Variants in MAP2 observed in about 807,000 individuals in gnomAD.
The protein encoded by MAP2 is microtubule-associated protein 2.
A neutral mutation model predicts 137.6 loss-of-function variants in MAP2; 14 were observed. The ratio of observed to expected loss-of-function variants is 0.10; its 90% CI spans 0.07 to 0.16. The LOEUF (loss-of-function observed/expected upper bound fraction) is 0.16. Ranked by LOEUF, MAP2 falls within the 10% of genes least tolerant of loss-of-function variation. The probability of loss-of-function intolerance (pLI) is 1.00; values close to 1 mark genes in which losing one functional copy is unlikely to be tolerated. For synonymous variants in MAP2, 786 were observed against 782.3 expected (o/e 1.00, Z -0.08); for missense variants, 2,088 against 2,191.5 (o/e 0.95, Z 0.94).
intron 3 of MAP2, among the ~76,000 whole-genome samples, chr2:209,592,403 T>C (rs990821760): frequency 6.6e-6 from 1 of 152,190 alleles, no homozygotes; most frequent in African/African-American, 2.4e-5. Context: ...CAGTGTCTTC[T>C]ATCTCATGTT....
At chr2:209,502,999 C>CTTTTTTTT (rs71043931) in intron 1 of MAP2, among the ~76,000 whole-genome samples, 2 of 131,334 alleles carry the variant, frequency 1.5e-5, no homozygotes, top group Non-Finnish European at 3.2e-5. Flanking sequence ...GATTTTTTTT[C>CTTTTTTTT]TTTTTTTTTT....
At chr2:209,530,240 TCTGA>T (rs2064901309) in intron 2 of MAP2, among the ~76,000 whole-genome samples, 1 of 152,146 alleles carries the variant, frequency 6.6e-6, no homozygotes, top group Non-Finnish European at 1.5e-5. Context: ...TACACACATT[TCTGA>T]CTAGTCACAT....
chr2:209,450,869 G>A (rs932049661), intron 1 of MAP2, among the ~76,000 whole-genome samples: 20 of 152,038 alleles, frequency 1.3e-4, no homozygotes, highest in Admixed American at 1.1e-3. Flanking sequence ...TCAGAAAAAT[G>A]AATGAGATTA....
chr2:209,593,577 G>T (rs1275228903), intron 3 of MAP2, among the ~76,000 whole-genome samples: 1 of 102,886 alleles, frequency 9.7e-6, no homozygotes, highest in Non-Finnish European at 1.8e-5. Flanking sequence ...GAAGCCAGGA[G>T]TTCAAGACCA....
At position 209,581,783 on chromosome 2, in the gene MAP2, A is replaced by G. The variant is rs1029107021; in HGVS notation, c.-107+1683A>G. Among the ~76,000 whole-genome samples the G allele has an allele frequency of 5.3e-5, 8 of 152,192 alleles. 1 individual carries two copies. The highest frequency in any genetic ancestry group is 1.7e-4 in the African/African-American group (7 of 41,462). On this transcript the variant is annotated intron_variant, in intron 3 of 15. Coordinates refer to ENST00000682079, the MANE Select transcript of MAP2 (RefSeq NM_001375505.1). ...AAAAAATGACTCCAATGCGTTGTCA[A>G]TAGGAACTAATAAGTTCTGTTATGA...
chr2:209,492,865 A>T (rs1228121460), intron 1 of MAP2, among the ~76,000 whole-genome samples: 1 of 152,232 alleles, frequency 6.6e-6, no homozygotes, highest in Non-Finnish European at 1.5e-5. Flanking sequence ...CATACTGCCC[A>T]ATGTAATTTA....
At chr2:209,484,384 A>G (rs2149872169) in intron 1 of MAP2, among the ~76,000 whole-genome samples, 1 of 152,236 alleles carries the variant, frequency 6.6e-6, no homozygotes, top group South Asian at 2.1e-4. Context: ...AGGCATTACC[A>G]AGAAGTCAAA....
At chr2:209,728,706 A>G (rs1015294348) in intron 14 of MAP2, among the ~76,000 whole-genome samples, 6 of 152,198 alleles carry the variant, frequency 3.9e-5, no homozygotes, top group East Asian at 1.9e-4. Flanking sequence ...AATCTCTTTC[A>G]TATTTCCATA....
At chr2:209,626,173 T>C (rs564700761) in intron 4 of MAP2, among the ~76,000 whole-genome samples, 2 of 152,188 alleles carry the variant, frequency 1.3e-5, no homozygotes, top group Admixed American at 1.3e-4. Context: ...ATCCCAGCAC[T>C]TTGAGGCCAA....
intron 1 of MAP2, among the ~76,000 whole-genome samples, chr2:209,455,823 C>G (rs1442735422): frequency 6.6e-6 from 1 of 152,134 alleles, no homozygotes; most frequent in East Asian, 1.9e-4. Flanking sequence ...TCACTTGGCT[C>G]TACACCTTAC....
At chr2:209,468,538 T>G (rs1704796043) in intron 1 of MAP2, among the ~76,000 whole-genome samples, 1 of 151,780 alleles carries the variant, frequency 6.6e-6, no homozygotes, top group South Asian at 2.1e-4. Context: ...GCCAGGATGG[T>G]CTCAATCTCC....
At chr2:209,478,146 C>G (rs571024445) in intron 1 of MAP2, among the ~76,000 whole-genome samples, 2 of 152,018 alleles carry the variant, frequency 1.3e-5, no homozygotes, top group African/African-American at 4.8e-5. Context: ...AACAAACAAA[C>G]AAAAAATTCT....
chr2:209,435,726 G>C (rs1449588990), intron 1 of MAP2, among the ~76,000 whole-genome samples: 1 of 151,140 alleles, frequency 6.6e-6, no homozygotes, highest in South Asian at 2.1e-4. Flanking sequence ...AAACTATTTA[G>C]AGTGGGAAAC....
At chr2:209,679,364 T>C (rs149710034) in intron 6 of MAP2, among the ~76,000 whole-genome samples, 1 of 130,278 alleles carries the variant, frequency 7.7e-6, no homozygotes. Flanking sequence ...GATAGATAGA[T>C]AGGCAGATAG....
rs377574808 is a variant in MAP2 at position 209,477,167 on chromosome 2, G to A, written c.-221-30425G>A. Among the ~76,000 whole-genome samples, 39 of 152,260 alleles carry A rather than the reference G, an allele frequency of 2.6e-4. 1 individual carries two copies. In the East Asian group the frequency reaches 7.3e-3, roughly 29 times the overall value. On this transcript the variant is annotated intron_variant, in intron 1 of 15. Transcript: ENST00000682079. ...GCGTACTGCACAAGTGTTAGTTTCTGTGCTTTTCAGAAGATTTGGAAACAA... is the reference window on the plus strand; with the variant it reads ...GCGTACTGCACAAGTGTTAGTTTCTATGCTTTTCAGAAGATTTGGAAACAA...
At chr2:209,692,164 G>A (rs1050926941) in intron 7 of MAP2, among the ~76,000 whole-genome samples, 3 of 151,966 alleles carry the variant, frequency 2.0e-5, no homozygotes, top group Non-Finnish European at 4.4e-5. Flanking sequence ...TAAAACCAAT[G>A]AAAATGTTCA....
chr2:209,562,028 GAAGTTAT>G (rs1332530372), intron 2 of MAP2, among the ~76,000 whole-genome samples: 1 of 152,142 alleles, frequency 6.6e-6, no homozygotes, highest in Non-Finnish European at 1.5e-5. Context: ...AAGATATAGT[GAAGTTAT>G]AAATTTGGGA....
chr2:209,557,882 A>G (rs764752880), intron 2 of MAP2, among the ~76,000 whole-genome samples: 1 of 152,226 alleles, frequency 6.6e-6, no homozygotes, highest in Non-Finnish European at 1.5e-5. Flanking sequence ...TGAAAAACTC[A>G]TCGCAGAGCT....
chr2:209,583,135 A>ATCTT (rs2076873649), intron 3 of MAP2, among the ~76,000 whole-genome samples: 1 of 127,338 alleles, frequency 7.9e-6, no homozygotes, highest in South Asian at 2.8e-4. Context: ...CTATCTATCC[A>ATCTT]TCTGTCTGTC....
Sources: allele counts gnomAD v4.1 joint callset (sites outside exome capture counted in the v4.1 genomes callset), GRCh38; gene constraint gnomAD v4.1.1; transcripts MANE v1.5; gene names NCBI Gene and HGNC (gene_info 2026-07-23, HGNC 2026-07-21).